The following CTNNA3 variants were observed in gnomAD, a reference collection of about 807,000 sequenced individuals.
CTNNA3 encodes catenin alpha 3.
CTNNA3 carries 76 observed loss-of-function variants against 95.7 expected under a neutral mutation model. The observed-to-expected ratio is 0.79, with a 90% confidence interval of 0.66 to 0.96. CTNNA3 has a LOEUF of 0.96. Among genes scored for constraint, CTNNA3 ranks in the 40% least tolerant of loss-of-function variants. The probability of loss-of-function intolerance (pLI) is 0.00; values close to 1 mark genes in which losing one functional copy is unlikely to be tolerated. For missense variants in CTNNA3, 1,191 were observed against 1,089.8 expected (o/e 1.09, Z -1.31); for synonymous variants, 431 against 374.4 (o/e 1.15, Z -1.74).
chr10:67,250,145 C>A (rs971824675), intron 5 of CTNNA3, among the ~76,000 whole-genome samples: 42 of 152,042 alleles, frequency 2.8e-4, no homozygotes, highest in African/African-American at 1.0e-3. Flanking sequence ...TCCACTTACA[C>A]AGATTTTTTT....
intron 7 of CTNNA3, among the ~76,000 whole-genome samples, chr10:67,026,699 C>A (rs1853410194): frequency 6.6e-6 from 1 of 152,058 alleles, no homozygotes; most frequent in Non-Finnish European, 1.5e-5. Context: ...TTTGAGCAAC[C>A]AGTGACGAAA....
At chr10:66,264,555 A>T (rs1018890512) in intron 13 of CTNNA3, among the ~76,000 whole-genome samples, 9 of 152,040 alleles carry the variant, frequency 5.9e-5, no homozygotes, top group African/African-American at 1.9e-4. Context: ...CATGTAAAAT[A>T]TAAATATATT....
At chr10:67,580,831 G>T (rs1357633791) in intron 3 of CTNNA3, among the ~76,000 whole-genome samples, 8 of 152,074 alleles carry the variant, frequency 5.3e-5, no homozygotes, top group Non-Finnish European at 8.8e-5. Flanking sequence ...TTGTGAATGG[G>T]AGTTCACTCA....
intron 10 of CTNNA3, among the ~76,000 whole-genome samples, chr10:66,570,657 T>G (rs1048158643): frequency 2.0e-5 from 3 of 151,394 alleles, no homozygotes; most frequent in African/African-American, 7.3e-5. Context: ...AAAAACCACT[T>G]GATTTCACAC....
At chr10:67,660,441 G>A (rs1016163105) in intron 1 of CTNNA3, among the ~76,000 whole-genome samples, 4 of 152,008 alleles carry the variant, frequency 2.6e-5, no homozygotes, top group African/African-American at 9.7e-5. Context: ...GGGACATGGT[G>A]GGCAGACTAG....
rs1840471480 is a variant in CTNNA3 at position 67,304,816 on chromosome 10, G to A, written c.580-84946C>T. Among the ~76,000 whole-genome samples, 4 of 151,994 alleles carry A rather than the reference G, an allele frequency of 2.6e-5. No individual in the cohort carries two copies. The South Asian group carries it at 8.3e-4, about 31-fold the overall frequency. ...TAGTATTTCATCAAGGTACAAAGCA[G>A]GTTATGTACTCTAGACTCTGTGATC... is the stretch of plus-strand genomic sequence containing the variant. On this transcript the variant is annotated intron_variant, in intron 5 of 17. Transcript: ENST00000433211.
At chr10:67,505,467 G>A (rs1839400794) in intron 5 of CTNNA3, among the ~76,000 whole-genome samples, 1 of 152,102 alleles carries the variant, frequency 6.6e-6, no homozygotes. Context: ...ACCAAGAAGG[G>A]CTTCAGTAAC....
At chr10:67,073,220 A>G (rs556895564) in intron 7 of CTNNA3, among the ~76,000 whole-genome samples, 6 of 152,336 alleles carry the variant, frequency 3.9e-5, no homozygotes, top group African/African-American at 1.4e-4. Context: ...AACTGGTCCT[A>G]TGACCTACTT....
At chr10:67,045,642 AGGG>A (rs1270521675) in intron 7 of CTNNA3, among the ~76,000 whole-genome samples, 1 of 152,166 alleles carries the variant, frequency 6.6e-6, no homozygotes, top group Non-Finnish European at 1.5e-5. Flanking sequence ...TCCCAGGACT[AGGG>A]GCACTCCGCA....
At chr10:67,237,169 T>TATATATATATAC (rs1865522839) in intron 5 of CTNNA3, among the ~76,000 whole-genome samples, 2 of 117,664 alleles carry the variant, frequency 1.7e-5, no homozygotes, top group African/African-American at 6.4e-5. Flanking sequence ...TATATATATA[T>TATATATATATAC]ATATACACAC....
At chr10:65,968,025 T>A (rs1442800459) in intron 16 of CTNNA3, among the ~76,000 whole-genome samples, 1 of 152,084 alleles carries the variant, frequency 6.6e-6, no homozygotes, top group African/African-American at 2.4e-5. Context: ...TGTGGAAAAA[T>A]GTTTTTGGAA....
intron 6 of CTNNA3, among the ~76,000 whole-genome samples, chr10:67,213,777 T>C (rs192868078): frequency 7.3e-4 from 111 of 151,954 alleles, no homozygotes; most frequent in Non-Finnish European, 1.5e-3. Context: ...AATACATTTC[T>C]AGGTGGCCTG....
intron 13 of CTNNA3, among the ~76,000 whole-genome samples, chr10:66,160,347 G>A (rs1033086614): frequency 1.3e-5 from 2 of 151,892 alleles, no homozygotes; most frequent in South Asian, 2.1e-4. Context: ...CACCGCCTCT[G>A]CTAAAAATTC....
intron 9 of CTNNA3, among the ~76,000 whole-genome samples, chr10:66,659,792 C>T (rs772525131): frequency 1.3e-4 from 20 of 152,020 alleles, no homozygotes; most frequent in Non-Finnish European, 2.1e-4. Flanking sequence ...CAAATCTGCC[C>T]GAGCTTTGAT....
chr10:66,392,081 G>T (rs1282109559), intron 11 of CTNNA3, among the ~76,000 whole-genome samples: 2 of 151,538 alleles, frequency 1.3e-5, no homozygotes, highest in Admixed American at 6.6e-5. Flanking sequence ...ACAAAAAAAT[G>T]AATACATTGG....
chr10:66,033,811 A>G (rs959205186), intron 15 of CTNNA3, among the ~76,000 whole-genome samples: 1 of 152,158 alleles, frequency 6.6e-6, no homozygotes, highest in Non-Finnish European at 1.5e-5. Context: ...TCTACACGTC[A>G]TAGAGAGATA....
chr10:67,670,975 T>TTTTG (rs751859865), intron 1 of CTNNA3, among the ~76,000 whole-genome samples: 10 of 152,192 alleles, frequency 6.6e-5, no homozygotes, highest in African/African-American at 1.9e-4. Flanking sequence ...GGTTTTGTTT[T>TTTTG]TTTGTTTGTT....
chr10:66,422,640 T>C (rs1564947609), intron 11 of CTNNA3, among the ~76,000 whole-genome samples: 2 of 152,144 alleles, frequency 1.3e-5, no homozygotes, highest in African/African-American at 2.4e-5. Flanking sequence ...GATGAATTGG[T>C]TCTAGAGAAA....
At chr10:67,342,234 T>C (rs60220850) in intron 5 of CTNNA3, among the ~76,000 whole-genome samples, 27 of 151,374 alleles carry the variant, frequency 1.8e-4, no homozygotes, top group African/African-American at 6.3e-4. Flanking sequence ...CCCGAATAGC[T>C]GGGACTACAG....
Sources: allele counts gnomAD v4.1 joint callset (sites outside exome capture counted in the v4.1 genomes callset), GRCh38; gene constraint gnomAD v4.1.1; transcripts MANE v1.5; gene names NCBI Gene and HGNC (gene_info 2026-07-23, HGNC 2026-07-21).